Variants in WDR49 observed in about 807,000 individuals in gnomAD.
WDR49 encodes WD repeat domain 49.
Under a neutral mutation model 119.5 loss-of-function variants are expected in WDR49, and 107 were observed. That is an observed-to-expected ratio of 0.90 (90% CI 0.77 to 1.05). WDR49 has a LOEUF of 1.05. Ranked by LOEUF, WDR49 falls within the 50% of genes least tolerant of loss-of-function variation. The pLI, the probability that WDR49 is intolerant of heterozygous loss-of-function variation, is 0.00. For synonymous variants in WDR49, 425 were observed against 418.8 expected, an observed-to-expected ratio of 1.01 and a Z score of -0.18; for missense variants, 1,240 against 1,220.5, an observed-to-expected ratio of 1.02 and a Z score of -0.24.
chr3:167,523,405 G>A (rs1752524345), intron 15 of WDR49, among the ~76,000 whole-genome samples: 1 of 147,572 alleles, frequency 6.8e-6, no homozygotes, highest in African/African-American at 2.5e-5. Flanking sequence ...TCCACCTTAA[G>A]TTCTGGGATA....
Position 167,500,175 on chromosome 3 carries a change from C to T in WDR49, c.3009G>A (p.Leu1003=), listed in dbSNP as rs762013570. Residue 1003 remains leucine, a synonymous_variant, in exon 18 of 19, where the codon CTG becomes CTA. Transcript: ENST00000682715. ...KEPEEERPQI[L]EAPSLFKTLK... is the part of the protein sequence containing the mutation. ...TACTTTTAAAAAGTGACGGGGCCTC[C>T]AGAATTTGGGGACGCTCTTCCTCTG... 8 of 1,572,606 alleles carry T rather than the reference C, an allele frequency of 5.1e-6. No individual in the cohort carries two copies. The Admixed American group carries it at 1.3e-4, about 25-fold the overall frequency.
rs770677433 is a variant in WDR49 at position 167,576,018 on chromosome 3, T to C, written c.1409A>G (p.Asn470Ser). 3.7e-6 allele frequency: 6 copies of C among 1,614,116 alleles called. No individual in the cohort carries two copies. The East Asian group carries it at 1.3e-4, about 36-fold the overall frequency. Residue 470 changes from asparagine (N) to serine (S), a missense_variant, in exon 8 of 19, where the codon AAC becomes AGC. Coordinates refer to ENST00000682715, the MANE Select transcript of WDR49 (RefSeq NM_001366157.1). ...AHGRLFISFN[N>S]QLALLAMKSE... ...TTTCATTGCCAACAATGCTAGCTGG[T>C]TATTAAACGAGATGAAAAGTCGTCC...
chr3:167,629,451 A>T (rs1717270697), intron 2 of WDR49, among the ~76,000 whole-genome samples: 1 of 152,086 alleles, frequency 6.6e-6, no homozygotes, highest in African/African-American at 2.4e-5. Flanking sequence ...TCCAACGGAG[A>T]TGTACAAGGG....
At chr3:167,485,450 T>C (rs535187164) in intron 18 of WDR49, among the ~76,000 whole-genome samples, 2 of 152,050 alleles carry the variant, frequency 1.3e-5, no homozygotes, top group African/African-American at 4.8e-5. Context: ...GAATTCAGCA[T>C]CTGGATGGCA....
chr3:167,501,465 T>C (rs1410944134), intron 17 of WDR49, among the ~76,000 whole-genome samples: 1 of 152,144 alleles, frequency 6.6e-6, no homozygotes. Flanking sequence ...GCTTTACATA[T>C]CTATCTCGTG....
Position 167,627,171 on chromosome 3 carries a change from G to A in WDR49, c.287C>T (p.Ala96Val). Residue 96 changes from alanine (A) to valine (V), a missense_variant, in exon 3 of 19, where the codon GCC becomes GTC. Transcript: ENST00000682715. ...YGELFDKVDVAQDGFINWDKL... is the reference protein window; with the variant it reads ...YGELFDKVDVVQDGFINWDKL... ...GTCCCAATTAATGAAGCCATCTTGG[G>A]CCACATCCACTTTGTCAAAGAGCTC... The A allele has an allele frequency of 2.4e-6, 3 of 1,259,722 alleles. No individual in the cohort carries two copies. The highest frequency in any genetic ancestry group is 3.0e-6 in the Non-Finnish European group (3 of 1,003,540). The allele number at this position is 1,259,722 out of a possible 1,614,324, so 78.0% of individuals were successfully genotyped here. A position where few individuals can be genotyped will look rare whatever the true frequency, so the allele number is the denominator to read the frequency against.
chr3:167,508,880 G>T (rs73878736), intron 16 of WDR49, among the ~76,000 whole-genome samples: 6,023 of 152,062 alleles, frequency 0.04, 393 homozygotes, highest in African/African-American at 0.14. Context: ...TTTTCTTATA[G>T]CTATTTATCT....
At chr3:167,615,368 TCAAA>T (rs1433780615) in intron 5 of WDR49, among the ~76,000 whole-genome samples, 2 of 149,332 alleles carry the variant, frequency 1.3e-5, no homozygotes, top group Non-Finnish European at 3.0e-5. Flanking sequence ...ACTCCTAGGC[TCAAA>T]CAATCTATCC....
intron 7 of WDR49, among the ~76,000 whole-genome samples, chr3:167,577,113 T>C (rs1198247059): frequency 6.6e-6 from 1 of 152,164 alleles, no homozygotes; most frequent in African/African-American, 2.4e-5. Context: ...GGGCAAACAC[T>C]AAATCCTTGC....
intron 7 of WDR49, among the ~76,000 whole-genome samples, chr3:167,579,889 T>G (rs974397252): frequency 6.6e-6 from 1 of 152,122 alleles, no homozygotes; most frequent in Non-Finnish European, 1.5e-5. Context: ...GGACCCCTTC[T>G]AAGAAATAGA....
intron 8 of WDR49, chr3:167,566,860 G>A (rs779640132): frequency 1.5e-6 from 1 of 686,348 alleles, no homozygotes; most frequent in Non-Finnish European, 2.7e-6. Context: ...ATTATCATAA[G>A]GGTCTTCATT....
intron 16 of WDR49, among the ~76,000 whole-genome samples, chr3:167,514,100 C>G (rs1379357762): frequency 6.6e-6 from 1 of 152,144 alleles, no homozygotes; most frequent in Non-Finnish European, 1.5e-5. Flanking sequence ...AGCTCTAGAT[C>G]AAGTGGACCT....
chr3:167,589,049 T>C (rs1279342667), intron 7 of WDR49, among the ~76,000 whole-genome samples: 2 of 152,188 alleles, frequency 1.3e-5, no homozygotes, highest in African/African-American at 4.8e-5. Flanking sequence ...AATGTTTTTA[T>C]TTAGCAGATT....
chr3:167,517,130 T>C (rs1752243546), intron 16 of WDR49, among the ~76,000 whole-genome samples: 1 of 152,090 alleles, frequency 6.6e-6, no homozygotes, highest in African/African-American at 2.4e-5. Flanking sequence ...GACTGTAAAC[T>C]AGTACTCTTG....
In WDR49 at chr3:167,553,895, A is replaced by G. The variant is rs530418914; in HGVS notation, c.1823+755T>C. Reference sequence around the variant, plus strand: ...AAAACTCTTCCCTGTGATTGATAAAAATCCCCAAATATATACTGCTGGTTT... The same window carrying G: ...AAAACTCTTCCCTGTGATTGATAAAGATCCCCAAATATATACTGCTGGTTT... On this transcript the variant is annotated intron_variant, in intron 10 of 18. Transcript: ENST00000682715. Among the ~76,000 whole-genome samples, 48 of 152,264 alleles carry G rather than the reference A, an allele frequency of 3.2e-4. 1 individual carries two copies. In the South Asian group the frequency reaches 9.7e-3, roughly 31 times the overall value.
rs997315308 is a variant in WDR49, at chr3:167,478,918, C to T, written c.3110G>A (p.Cys1037Tyr). The change falls in exon 19 of 19, where the codon TGC becomes TAC. Residue 1037 changes from cysteine (C) to tyrosine (Y), a missense_variant. Cys to Tyr is a radical substitution (Grantham distance 194). Transcript: ENST00000682715. ...LHHERKAKQL[C>Y]QEKSCEVKKN... ...CTTCACTTCACAACTTTTTTCTTGG[C>T]ATAATTGCTTGGCTTTTCGTTCATG... 6.2e-7 allele frequency: 1 copy of T among 1,608,836 alleles called. No homozygotes were observed. Among genetic ancestry groups the T allele is most frequent in the African/African-American group, 1.3e-5 (1 of 74,816 alleles).
intron 7 of WDR49, among the ~76,000 whole-genome samples, chr3:167,583,294 A>T (rs888608641): frequency 4.0e-5 from 6 of 151,294 alleles, no homozygotes; most frequent in Admixed American, 2.0e-4. Flanking sequence ...TAACAACTTT[A>T]AAAAAAATCA....
At chr3:167,590,394 A>G (rs2108295639) in intron 7 of WDR49, among the ~76,000 whole-genome samples, 1 of 152,184 alleles carries the variant, frequency 6.6e-6, no homozygotes, top group Middle Eastern at 3.4e-3. Flanking sequence ...TGGTTTCGGT[A>G]TCAGGGTAAT....
chr3:167,643,565 A>T (rs1717980143), intron 2 of WDR49, among the ~76,000 whole-genome samples: 1 of 152,146 alleles, frequency 6.6e-6, no homozygotes, highest in Non-Finnish European at 1.5e-5. Flanking sequence ...ACGAAAGGGG[A>T]CATTTTAATA....
Sources: allele counts gnomAD v4.1 joint callset (sites outside exome capture counted in the v4.1 genomes callset), GRCh38; gene constraint gnomAD v4.1.1; transcripts MANE v1.5; gene names NCBI Gene and HGNC (gene_info 2026-07-23, HGNC 2026-07-21).